Variants in CSMD1 observed in about 807,000 individuals in gnomAD.
CSMD1 encodes CUB and Sushi multiple domains 1, also known as CUB and sushi domain-containing protein 1.
A neutral mutation model predicts 417.5 loss-of-function variants in CSMD1; 213 were observed. The ratio of observed to expected loss-of-function variants is 0.51; its 90% CI spans 0.46 to 0.57. The LOEUF (loss-of-function observed/expected upper bound fraction) is 0.57. CSMD1 is among the 20% of genes least tolerant of loss of function. CSMD1 has a pLI of 0.00. For synonymous variants in CSMD1, 2,862 were observed against 1,736.8 expected, an observed-to-expected ratio of 1.65 and a Z score of -16.11; for missense variants, 6,923 against 4,529.7, an observed-to-expected ratio of 1.53 and a Z score of -15.17.
chr8:2,964,718 T>A (rs1340775686), intron 59 of CSMD1, among the ~76,000 whole-genome samples: 1 of 152,156 alleles, frequency 6.6e-6, no homozygotes, highest in East Asian at 1.9e-4. Context: ...ACAGGTGCAG[T>A]ATTAAGAGTT....
intron 10 of CSMD1, among the ~76,000 whole-genome samples, chr8:3,536,880 G>C (rs185407568): frequency 6.6e-6 from 1 of 152,196 alleles, no homozygotes; most frequent in Non-Finnish European, 1.5e-5. Context: ...CCCAGGTAGA[G>C]AAAATTAAAT....
At chr8:3,422,903 C>A (rs1237294713) in intron 12 of CSMD1, among the ~76,000 whole-genome samples, 1 of 152,064 alleles carries the variant, frequency 6.6e-6, no homozygotes, top group Non-Finnish European at 1.5e-5. Context: ...GGAACACTGT[C>A]CTCACATGGC....
intron 3 of CSMD1, among the ~76,000 whole-genome samples, chr8:4,226,344 A>T (rs557925576): frequency 6.6e-6 from 1 of 152,220 alleles, no homozygotes; most frequent in African/African-American, 2.4e-5. Context: ...CTACTTAAAA[A>T]TGTATTTATC....
chr8:4,416,814 G>C (rs778797319), intron 3 of CSMD1, among the ~76,000 whole-genome samples: 1 of 152,006 alleles, frequency 6.6e-6, no homozygotes, highest in African/African-American at 2.4e-5. Context: ...TGATGACAAA[G>C]TAATATTTTT....
At chr8:4,308,370 G>C (rs1267357599) in intron 3 of CSMD1, among the ~76,000 whole-genome samples, 5 of 151,978 alleles carry the variant, frequency 3.3e-5, no homozygotes, top group Non-Finnish European at 7.4e-5. Context: ...TGTAGTGTGT[G>C]TTCTGTGCAC....
At chr8:3,091,795 C>G (rs1256523075) in intron 47 of CSMD1, 133 bp from the exon 48 acceptor site, 2 of 656,500 alleles carry the variant, frequency 3.0e-6, no homozygotes, top group Non-Finnish European at 4.8e-6. Flanking sequence ...AAGTGGACAA[C>G]AAATTCCAAA....
At chr8:3,044,680 C>T (rs997205715) in intron 50 of CSMD1, among the ~76,000 whole-genome samples, 1 of 152,068 alleles carries the variant, frequency 6.6e-6, no homozygotes, top group Non-Finnish European at 1.5e-5. Flanking sequence ...ATCTGCACCA[C>T]TGCAAGAAGG....
In CSMD1 at chr8:3,254,187, A is replaced by T. The variant is rs540452941; in HGVS notation, c.4154-23956T>A. Among the ~76,000 whole-genome samples the T allele has an allele frequency of 5.9e-5, 9 of 152,306 alleles. No individual in the cohort carries two copies. In the East Asian group the frequency reaches 1.4e-3, roughly 23 times the overall value. Reference sequence around the variant, plus strand: ...GGGTTGAAAGTTCTTTTCTTTAAGAATGTGGAATATTGGCCCCCACTCTCT... The same window carrying T: ...GGGTTGAAAGTTCTTTTCTTTAAGATTGTGGAATATTGGCCCCCACTCTCT... On this transcript the variant is annotated intron_variant, in intron 26 of 69. Coordinates refer to ENST00000635120, the MANE Select transcript of CSMD1 (RefSeq NM_033225.6).
At chr8:3,611,659 G>C (rs184336345) in intron 8 of CSMD1, among the ~76,000 whole-genome samples, 2 of 152,064 alleles carry the variant, frequency 1.3e-5, no homozygotes, top group Admixed American at 6.6e-5. Flanking sequence ...ATCATCATGA[G>C]TTTGACAGTT....
At chr8:3,119,411 A>C (rs79812255) in intron 41 of CSMD1, among the ~76,000 whole-genome samples, 1 of 137,146 alleles carries the variant, frequency 7.3e-6, no homozygotes, top group East Asian at 2.1e-4. Context: ...AAAAAAAAAA[A>C]ACACTGTATA....
At chr8:3,775,582 C>T (rs1365125882) in intron 5 of CSMD1, among the ~76,000 whole-genome samples, 6 of 152,132 alleles carry the variant, frequency 3.9e-5, no homozygotes, top group Admixed American at 1.3e-4. Context: ...CCAGTGTGGA[C>T]TCATGTGCTC....
chr8:4,304,935 T>A (rs1225455441), intron 3 of CSMD1, among the ~76,000 whole-genome samples: 1 of 152,112 alleles, frequency 6.6e-6, no homozygotes, highest in African/African-American at 2.4e-5. Flanking sequence ...GAACAAGTAC[T>A]CTTTTATCAG....
In CSMD1 at chr8:2,998,158, G is replaced by C. The variant is rs776271250; in HGVS notation, c.8230C>G (p.Pro2744Ala). 37 of 1,613,866 alleles carry C rather than the reference G, an allele frequency of 2.3e-5. No homozygotes were observed. Among genetic ancestry groups the C allele is most frequent in the Admixed American group, 3.3e-5 (2 of 60,008 alleles). ...CTGCCATTAGTGAATCCGTGGGCAG[G>C]GTTTCCAGGGTGACCACATGTGATG... is the stretch of plus-strand genomic sequence containing the variant. ...VPITCGHPGN[P>A]AHGFTNGSEF... The change falls in exon 54 of 70, where the codon CCT (proline) becomes GCT (alanine). Residue 2744 changes from proline (P) to alanine (A), a missense_variant. Physicochemically the swap from Pro to Ala is conservative, Grantham distance 27. Coordinates refer to ENST00000635120, the MANE Select transcript of CSMD1 (RefSeq NM_033225.6).
At chr8:4,878,070 A>G (rs1318439744) in intron 1 of CSMD1, among the ~76,000 whole-genome samples, 1 of 152,106 alleles carries the variant, frequency 6.6e-6, no homozygotes, top group African/African-American at 2.4e-5. Flanking sequence ...TCTCTGTAAA[A>G]TGATGCCATT....
At chr8:3,387,443 C>T (rs1047150526) in intron 18 of CSMD1, 51 bp downstream of exon 18, 27 of 1,472,722 alleles carry the variant, frequency 1.8e-5, no homozygotes, top group East Asian at 4.9e-5. Flanking sequence ...TAGACGTGTG[C>T]GCTGTCTCTG....
At chr8:4,062,246 G>C (rs974585093) in intron 3 of CSMD1, among the ~76,000 whole-genome samples, 1 of 152,080 alleles carries the variant, frequency 6.6e-6, no homozygotes, top group African/African-American at 2.4e-5. Flanking sequence ...TTTCCTCAGA[G>C]TCATCATGTC....
intron 33 of CSMD1, among the ~76,000 whole-genome samples, chr8:3,196,820 G>A (rs576771636): frequency 6.6e-6 from 1 of 152,092 alleles, no homozygotes; most frequent in Non-Finnish European, 1.5e-5. Context: ...TTTCATTCCT[G>A]GGAGAGTGGA....
intron 5 of CSMD1, among the ~76,000 whole-genome samples, chr8:3,774,971 T>G (rs946836080): frequency 6.6e-6 from 1 of 151,910 alleles, no homozygotes; most frequent in South Asian, 2.1e-4. Context: ...TACACAGCAA[T>G]GCACTGGACA....
intron 3 of CSMD1, among the ~76,000 whole-genome samples, chr8:4,313,197 G>T (rs1303759195): frequency 6.6e-6 from 1 of 151,942 alleles, no homozygotes; most frequent in Non-Finnish European, 1.5e-5. Context: ...TAAACCTAGG[G>T]AATAATAACA....
Sources: allele counts gnomAD v4.1 joint callset (sites outside exome capture counted in the v4.1 genomes callset), GRCh38; gene constraint gnomAD v4.1.1; transcripts MANE v1.5; gene names NCBI Gene and HGNC (gene_info 2026-07-23, HGNC 2026-07-21).